The following GRM8 variants were observed in gnomAD, a reference collection of about 807,000 sequenced individuals.
GRM8 encodes the protein glutamate metabotropic receptor 8, also known as metabotropic glutamate receptor 8.
In GRM8, 47 loss-of-function variants were observed where a neutral mutation model predicts 87.2. That is an observed-to-expected ratio of 0.54 (90% confidence interval 0.43 to 0.69). GRM8 has a LOEUF of 0.69. Among genes scored for constraint, GRM8 ranks in the 30% least tolerant of loss-of-function variants. GRM8 has a pLI of 0.00. For synonymous variants in GRM8, 396 were observed against 404.5 expected, an observed-to-expected ratio of 0.98 and a Z score of 0.25; for missense variants, 1,019 against 1,139.2, an observed-to-expected ratio of 0.89 and a Z score of 1.52.
chr7:126,773,598 C>T (rs956845522), intron 6 of GRM8, among the ~76,000 whole-genome samples: 19 of 152,178 alleles, frequency 1.2e-4, no homozygotes, highest in Non-Finnish European at 2.5e-4. Context: ...CCAGTGCAAA[C>T]TCCCTGTCAA....
At chr7:127,231,475 G>A (rs17866314) in intron 2 of GRM8, among the ~76,000 whole-genome samples, 3,819 of 152,238 alleles carry the variant, frequency 0.025, 64 homozygotes, top group South Asian at 0.072. Flanking sequence ...TAAACAGGTG[G>A]CACAAGATAG....
chr7:126,595,284 T>C (rs540972394), intron 8 of GRM8, among the ~76,000 whole-genome samples: 1 of 152,118 alleles, frequency 6.6e-6, no homozygotes, highest in South Asian at 2.1e-4. Context: ...CAGGTTAGAG[T>C]GCAGTGACAT....
At chr7:127,212,281 C>G (rs888612624) in intron 2 of GRM8, among the ~76,000 whole-genome samples, 4 of 152,170 alleles carry the variant, frequency 2.6e-5, no homozygotes, top group African/African-American at 9.7e-5. Context: ...TGACTACAGT[C>G]ACGTATCTAA....
intron 2 of GRM8, 45 bp downstream of exon 2, chr7:127,242,650 T>C (rs765973270): frequency 4.5e-6 from 7 of 1,554,278 alleles, no homozygotes; most frequent in Non-Finnish European, 6.2e-6. Context: ...TCATAGCATT[T>C]CATTGTTCTT....
At position 126,604,738 on chromosome 7, in the gene GRM8, CATA is replaced by C. The variant is rs375208311; in HGVS notation, c.1494+4621_1494+4623del. On this transcript the variant is annotated intron_variant, in intron 8 of 10. Transcript: ENST00000339582. ...ACCATATTACAATGCATCTACTATT[CATA>C]ATAATATCTATTATCCCACTTAGAT... is the stretch of plus-strand genomic sequence containing the variant. 2.6e-4 allele frequency among the ~76,000 whole-genome samples: 39 copies of C among 152,252 alleles called. No homozygotes were observed. In the East Asian group the frequency reaches 2.9e-3, roughly 11 times the overall value.
chr7:126,978,635 G>A (rs1286492782), intron 3 of GRM8, among the ~76,000 whole-genome samples: 1 of 152,170 alleles, frequency 6.6e-6, no homozygotes, highest in Non-Finnish European at 1.5e-5. Context: ...ACCCTGATTG[G>A]ATGACCCTTG....
intron 6 of GRM8, among the ~76,000 whole-genome samples, chr7:126,824,149 C>T (rs913874367): frequency 6.6e-6 from 1 of 152,032 alleles, no homozygotes; most frequent in African/African-American, 2.4e-5. Context: ...ATATGGTCAT[C>T]ACTGTTATTA....
chr7:127,190,765 C>T (rs945058653), intron 2 of GRM8, among the ~76,000 whole-genome samples: 1 of 152,052 alleles, frequency 6.6e-6, no homozygotes, highest in Non-Finnish European at 1.5e-5. Context: ...AAAGACAGTG[C>T]TTATTTTTTC....
At chr7:126,597,473 C>T (rs1414380712) in intron 8 of GRM8, among the ~76,000 whole-genome samples, 1 of 151,968 alleles carries the variant, frequency 6.6e-6, no homozygotes, top group Non-Finnish European at 1.5e-5. Flanking sequence ...AATAAAATGA[C>T]TTTTTACCAG....
At chr7:127,053,556 G>A (rs888019938) in intron 3 of GRM8, among the ~76,000 whole-genome samples, 1 of 152,128 alleles carries the variant, frequency 6.6e-6, no homozygotes, top group Admixed American at 6.5e-5. Flanking sequence ...TTGGGAGGCC[G>A]TGGCAGGCGG....
At chr7:126,830,319 C>T (rs1481557930) in intron 6 of GRM8, among the ~76,000 whole-genome samples, 2 of 152,222 alleles carry the variant, frequency 1.3e-5, no homozygotes, top group Admixed American at 6.5e-5. Flanking sequence ...GTTCCATTCT[C>T]CCTGTCACTT....
intron 3 of GRM8, among the ~76,000 whole-genome samples, chr7:126,997,016 C>T (rs575694795): frequency 9.6e-4 from 146 of 151,998 alleles, no homozygotes; most frequent in Non-Finnish European, 1.5e-3. Context: ...ATCATTCTCA[C>T]AGACAGACCA....
intron 9 of GRM8, among the ~76,000 whole-genome samples, chr7:126,455,031 A>G (rs1803067489): frequency 6.6e-6 from 1 of 151,712 alleles, no homozygotes; most frequent in Admixed American, 6.6e-5. Flanking sequence ...AATCTCAAAG[A>G]TGTCTGATAT....
intron 7 of GRM8, among the ~76,000 whole-genome samples, chr7:126,751,648 T>C (rs1014642257): frequency 1.3e-5 from 2 of 152,178 alleles, no homozygotes; most frequent in East Asian, 1.9e-4. Context: ...GAAGGCACCA[T>C]TGCACTTTAT....
At chr7:126,623,202 C>T (rs186666515) in intron 7 of GRM8, among the ~76,000 whole-genome samples, 24 of 152,060 alleles carry the variant, frequency 1.6e-4, no homozygotes, top group African/African-American at 5.1e-4. Context: ...AAGATGTTAA[C>T]GGTTGGGGGA....
intron 8 of GRM8, among the ~76,000 whole-genome samples, chr7:126,605,090 G>A (rs756949590): frequency 6.6e-6 from 1 of 152,034 alleles, no homozygotes. Context: ...AAAAAGCCCC[G>A]AGTTATTTTT....
At chr7:126,470,080 C>T (rs1804980938) in intron 9 of GRM8, among the ~76,000 whole-genome samples, 1 of 152,086 alleles carries the variant, frequency 6.6e-6, no homozygotes, top group South Asian at 2.1e-4. Context: ...TGATTCTTGC[C>T]ACACTCTAGT....
At chr7:127,012,210 C>T (rs1318470681) in intron 3 of GRM8, among the ~76,000 whole-genome samples, 2 of 152,126 alleles carry the variant, frequency 1.3e-5, no homozygotes, top group Non-Finnish European at 2.9e-5. Context: ...GAAGCCAATC[C>T]ATCTGTGTTC....
intron 3 of GRM8, among the ~76,000 whole-genome samples, chr7:126,958,315 C>G (rs1445003000): frequency 1.3e-5 from 2 of 152,210 alleles, no homozygotes; most frequent in Non-Finnish European, 2.9e-5. Flanking sequence ...AGAAGAGCTG[C>G]AGCCCTTCGG....
Sources: allele counts gnomAD v4.1 joint callset (sites outside exome capture counted in the v4.1 genomes callset), GRCh38; gene constraint gnomAD v4.1.1; transcripts MANE v1.5; gene names NCBI Gene and HGNC (gene_info 2026-07-23, HGNC 2026-07-21).